Variants in EXT1 observed in about 807,000 individuals in gnomAD.
EXT1 encodes the protein exostosin-1.
Under a neutral mutation model 82.5 loss-of-function variants are expected in EXT1, and 20 were observed. That is an observed-to-expected ratio of 0.24 (90% CI 0.17 to 0.35). The LOEUF (loss-of-function observed/expected upper bound fraction) is 0.35, where lower values mean the gene tolerates loss of function less well. Among genes scored for constraint, EXT1 ranks in the 10% least tolerant of loss-of-function variants. EXT1 has a pLI of 1.00. For synonymous variants in EXT1, 348 were observed against 350.8 expected, an observed-to-expected ratio of 0.99 and a Z score of 0.09; for missense variants, 757 against 936.5, an observed-to-expected ratio of 0.81 and a Z score of 2.50.
chr8:117,876,595 G>A (rs1563588151), intron 1 of EXT1, among the ~76,000 whole-genome samples: 1 of 152,136 alleles, frequency 6.6e-6, no homozygotes, highest in Non-Finnish European at 1.5e-5. Flanking sequence ...TAGAGGTAAG[G>A]ACGTAGGATA....
At chr8:117,977,412 A>G (rs17504974) in intron 1 of EXT1, among the ~76,000 whole-genome samples, 25 of 145,272 alleles carry the variant, frequency 1.7e-4, no homozygotes, top group Admixed American at 3.5e-4. Flanking sequence ...AAAAAAGACC[A>G]TATATCCAAG....
rs572762187 is a variant in EXT1, at chr8:117,840,898, C to T, written c.963-3697G>A. Among the ~76,000 whole-genome samples the T allele has an allele frequency of 1.6e-4, 24 of 152,216 alleles. 1 individual carries two copies. In the South Asian group the frequency reaches 5.0e-3, roughly 32 times the overall value. On this transcript the variant is annotated intron_variant, in intron 1 of 10. Coordinates refer to ENST00000378204, the MANE Select transcript of EXT1 (RefSeq NM_000127.3). ...TTACACCCACTGGGATGGCTATAAG[C>T]AAAATGACAGATGAGAGCAAGTGCT...
intron 1 of EXT1, among the ~76,000 whole-genome samples, chr8:117,850,788 AG>A (rs1812440132): frequency 6.6e-6 from 1 of 152,146 alleles, no homozygotes; most frequent in African/African-American, 2.4e-5. Context: ...CAACCATTGG[AG>A]CATTTCAGGC....
At chr8:117,896,534 A>G (rs768033292) in intron 1 of EXT1, among the ~76,000 whole-genome samples, 42 of 152,154 alleles carry the variant, frequency 2.8e-4, no homozygotes, top group Non-Finnish European at 3.1e-4. Flanking sequence ...TTAATCCTAC[A>G]GTTTTCACTC....
In EXT1 at chr8:118,110,867, G is replaced by T; in HGVS notation, c.180C>A (p.Asp60Glu). Residue 60 changes from aspartate (D) to glutamate (E), a missense_variant, in exon 1 of 11, where the codon GAC becomes GAA. Asp to Glu is a conservative substitution (Grantham distance 45). Coordinates refer to ENST00000378204, the MANE Select transcript of EXT1 (RefSeq NM_000127.3). ...CCCAAGGAACGAAGGGGCGCAGAGC[G>T]TCCGGGAAGCGGGGCCAGAAATGAT... Reference protein sequence around the residue: ...SPDHFWPRFPDALRPFVPWDQ... With the variant: ...SPDHFWPRFPEALRPFVPWDQ... The T allele has an allele frequency of 6.2e-7, 1 of 1,613,114 alleles. No homozygotes were observed. The highest frequency in any genetic ancestry group is 2.2e-5 in the East Asian group (1 of 44,862).
At chr8:117,964,562 G>A (rs1391833257) in intron 1 of EXT1, among the ~76,000 whole-genome samples, 1 of 152,152 alleles carries the variant, frequency 6.6e-6, no homozygotes, top group Non-Finnish European at 1.5e-5. Context: ...ACCTCCATTT[G>A]GGAGGAATGT....
chr8:118,077,966 A>C (rs1817240858), intron 1 of EXT1, among the ~76,000 whole-genome samples: 1 of 152,220 alleles, frequency 6.6e-6, no homozygotes, highest in Admixed American at 6.5e-5. Context: ...TACTGGCAAC[A>C]GACTATTCTT....
At chr8:117,875,674 T>C (rs1812956527) in intron 1 of EXT1, among the ~76,000 whole-genome samples, 1 of 152,028 alleles carries the variant, frequency 6.6e-6, no homozygotes, top group Non-Finnish European at 1.5e-5. Flanking sequence ...AGTTTCTAAG[T>C]AAGCAAAAAT....
intron 1 of EXT1, among the ~76,000 whole-genome samples, chr8:118,054,855 G>A (rs1043535137): frequency 2.6e-5 from 4 of 152,082 alleles, no homozygotes; most frequent in South Asian, 2.1e-4. Context: ...CTGGGGTTCC[G>A]AGGCCGCTCT....
intron 1 of EXT1, among the ~76,000 whole-genome samples, chr8:118,109,230 G>GT (rs1428106325): frequency 6.6e-6 from 1 of 151,994 alleles, no homozygotes. Context: ...ACTACAGAGG[G>GT]TAAGGAGGCA....
intron 1 of EXT1, among the ~76,000 whole-genome samples, chr8:117,893,409 T>C (rs2129949088): frequency 6.6e-6 from 1 of 152,256 alleles, no homozygotes; most frequent in South Asian, 2.1e-4. Flanking sequence ...CAGGGTTGGA[T>C]AAACCTGTTC....
intron 1 of EXT1, among the ~76,000 whole-genome samples, chr8:117,964,625 GTT>G (rs796872967): frequency 0.082 from 11,537 of 140,742 alleles, 1,487 homozygotes; most frequent in African/African-American, 0.28. Flanking sequence ...GTGTGTGTGT[GTT>G]TGTTTGTTTG....
intron 4 of EXT1, among the ~76,000 whole-genome samples, chr8:117,829,091 A>G (rs1254252163): frequency 2.0e-5 from 3 of 152,232 alleles, no homozygotes; most frequent in Admixed American, 6.5e-5. Context: ...GAAGGCCACA[A>G]TGCCCCCACC....
chr8:117,961,144 C>CCCTCCTTT (rs1397960280), intron 1 of EXT1, among the ~76,000 whole-genome samples: 4 of 151,888 alleles, frequency 2.6e-5, no homozygotes, highest in Non-Finnish European at 5.9e-5. Flanking sequence ...TTCCCTCCTT[C>CCCTCCTTT]CTTCCTTCCC....
Position 118,102,223 on chromosome 8 carries a change from C to T in EXT1, c.962+7862G>A, listed in dbSNP as rs969091817. ...CGAAGGTTGCAGTGAGCCGAGATCG[C>T]GCCACTGCACTCCAGCCTGGGTGAC... is the stretch of plus-strand genomic sequence containing the variant. On this transcript the variant is annotated intron_variant, in intron 1 of 10. Transcript: ENST00000378204. Among the ~76,000 whole-genome samples, 8 of 151,892 alleles carry T rather than the reference C, an allele frequency of 5.3e-5. No individual in the cohort carries two copies. The South Asian group carries it at 1.2e-3, about 24-fold the overall frequency.
At chr8:117,862,363 G>T (rs1329466591) in intron 1 of EXT1, among the ~76,000 whole-genome samples, 1 of 145,760 alleles carries the variant, frequency 6.9e-6, no homozygotes, top group East Asian at 1.9e-4. Context: ...AGAAGGTGAG[G>T]CTGCACCTCA....
chr8:117,861,436 G>T (rs1327383594), intron 1 of EXT1, among the ~76,000 whole-genome samples: 2 of 151,110 alleles, frequency 1.3e-5, no homozygotes, highest in East Asian at 1.9e-4. Flanking sequence ...ATTTTGGGGG[G>T]TATGTATGAA....
intron 1 of EXT1, among the ~76,000 whole-genome samples, chr8:117,899,815 T>A (rs1389460344): frequency 6.6e-6 from 1 of 152,190 alleles, no homozygotes; most frequent in African/African-American, 2.4e-5. Flanking sequence ...AAAGTACATG[T>A]CTGAGAAAAA....
At chr8:117,864,974 C>T (rs1812751447) in intron 1 of EXT1, among the ~76,000 whole-genome samples, 2 of 152,052 alleles carry the variant, frequency 1.3e-5, no homozygotes, top group South Asian at 4.1e-4. Context: ...AAATAGAGTT[C>T]ATAACACTAG....
Sources: allele counts gnomAD v4.1 joint callset (sites outside exome capture counted in the v4.1 genomes callset), GRCh38; gene constraint gnomAD v4.1.1; transcripts MANE v1.5; gene names NCBI Gene and HGNC (gene_info 2026-07-23, HGNC 2026-07-21).